Variants in DLGAP3 observed in about 807,000 individuals in gnomAD.
DLGAP3 encodes disks large-associated protein 3.
A neutral mutation model predicts 81.2 loss-of-function variants in DLGAP3; 17 were observed. The observed-to-expected ratio is 0.21, with a 90% CI of 0.14 to 0.31. DLGAP3 has a LOEUF of 0.31. DLGAP3 is among the 10% of genes least tolerant of loss of function. The pLI is 1.00. For missense variants in DLGAP3, 1,124 were observed against 1,388.0 expected (o/e 0.81, Z 3.02); for synonymous variants, 577 against 587.4 (o/e 0.98, Z 0.26).
At chr1:34,892,099 T>C (rs1301818937) in intron 5 of DLGAP3, among the ~76,000 whole-genome samples, 6 of 152,134 alleles carry the variant, frequency 3.9e-5, no homozygotes. Flanking sequence ...AAGGAAACCA[T>C]GCTTAAAGAT....
At chr1:34,915,015 T>C (rs1363031633) in intron 1 of DLGAP3, among the ~76,000 whole-genome samples, 2 of 152,182 alleles carry the variant, frequency 1.3e-5, no homozygotes, top group African/African-American at 2.4e-5. Context: ...CACAAACCCC[T>C]GTAGCCAGGG....
Position 34,873,813 on chromosome 1 carries a change from C to CTGGTTGGT in DLGAP3, c.2001-4732_2001-4725dup, listed in dbSNP as rs149504598. On this transcript the variant is annotated intron_variant, in intron 8 of 11. Coordinates refer to ENST00000373347, the MANE Select transcript of DLGAP3 (RefSeq NM_001080418.3). This position sits in a 1 kb window ranked among gnomAD's most constrained non-coding sequence, Gnocchi z 4.2. ...TCACTAAATAGGGCAGTTCATCACA[C>CTGGTTGGT]TGGTTGGTTGGTTGGTTGGTTGGTT... Among the ~76,000 whole-genome samples the CTGGTTGGT allele has an allele frequency of 0.01, 1,551 of 151,104 alleles. 30 individuals are homozygous for CTGGTTGGT. Among genetic ancestry groups the CTGGTTGGT allele is most frequent in the African/African-American group, 0.03 (1,225 of 40,888 alleles).
At chr1:34,885,864 C>T in intron 6 of DLGAP3, 73 bp from the exon 7 acceptor site, 2 of 1,285,162 alleles carry the variant, frequency 1.6e-6, no homozygotes, top group South Asian at 1.6e-5. Context: ...CCGCGCCCGA[C>T]TCCCACCCTC....
Position 34,900,417 on chromosome 1 carries a change from G to A in DLGAP3, c.1108-144C>T, listed in dbSNP as rs1639440527. On this transcript the variant is annotated intron_variant, in intron 3 of 11. Transcript: ENST00000373347. This position sits in a 1 kb window ranked among gnomAD's most constrained non-coding sequence, Gnocchi z 5.6. ...ACATGCAGAGGCAGAAGGGGAGGTA[G>A]GGTCTCAGGCTGTCCCCGTCCCTTA... 1 of 847,576 alleles carries A rather than the reference G, an allele frequency of 1.2e-6. No homozygotes were observed. The allele number at this position is 847,576 out of a possible 1,614,324, so 52.5% of individuals were successfully genotyped here.
chr1:34,887,889 C>T (rs762742367), intron 5 of DLGAP3, among the ~76,000 whole-genome samples: 1 of 152,196 alleles, frequency 6.6e-6, no homozygotes. Context: ...CCTTTTGGTA[C>T]AGGTACTGGC....
intron 4 of DLGAP3, 34 bp from the exon 5 acceptor site, chr1:34,899,775 T>A (rs536375631): frequency 2.5e-6 from 4 of 1,597,594 alleles, no homozygotes; most frequent in African/African-American, 1.3e-5. Context: ...GTCAGAACAG[T>A]GGACTGCTAG....
At position 34,902,960 on chromosome 1, in the gene DLGAP3, AG is replaced by A. The variant is rs1265314504; in HGVS notation, c.1107+1316del. 6.6e-6 allele frequency among the ~76,000 whole-genome samples: 1 copy of A among 152,042 alleles called. No individual in the cohort carries two copies. The highest frequency in any genetic ancestry group is 1.5e-5 in the Non-Finnish European group (1 of 67,966). ...GCTTAGAGCACCTCCCTACCCAGGGAGGGGGCAAACCAGGCCAATCCAGAAG... is the reference window on the plus strand; with the variant it reads ...GCTTAGAGCACCTCCCTACCCAGGGAGGGGCAAACCAGGCCAATCCAGAAG... On this transcript the variant is annotated intron_variant, in intron 3 of 11. Transcript: ENST00000373347. This position sits in a 1 kb window ranked among gnomAD's most constrained non-coding sequence, Gnocchi z 4.4.
intron 7 of DLGAP3, 139 bp from the exon 8 acceptor site, chr1:34,885,202 C>A: frequency 1.1e-6 from 1 of 895,898 alleles, no homozygotes; most frequent in Non-Finnish European, 1.8e-6. Flanking sequence ...AGATGAGAGA[C>A]CCAGGCGGTC....
At chr1:34,899,849 C>CA in intron 4 of DLGAP3, 108 bp from the exon 5 acceptor site, 1 of 1,120,324 alleles carries the variant, frequency 8.9e-7, no homozygotes, top group Non-Finnish European at 1.4e-6. Flanking sequence ...TCAGAACCCC[C>CA]AAAGAGAGAT....
At chr1:34,869,113 C>CCCCAT in intron 8 of DLGAP3, 24 bp from the exon 9 acceptor site, 2 of 1,541,974 alleles carry the variant, frequency 1.3e-6, no homozygotes, top group Non-Finnish European at 1.8e-6. Flanking sequence ...TGGCTGTCAT[C>CCCCAT]CCCCATTGCC....
chr1:34,871,130 G>C (rs1348844066), intron 8 of DLGAP3, among the ~76,000 whole-genome samples: 1 of 152,092 alleles, frequency 6.6e-6, no homozygotes, highest in African/African-American at 2.4e-5. Context: ...GCTCTGCCAA[G>C]TCATTCCCCT....
In DLGAP3 at chr1:34,900,675, G is replaced by A. The variant is rs537658592; in HGVS notation, c.1108-402C>T. 1.2e-4 allele frequency among the ~76,000 whole-genome samples: 19 copies of A among 152,232 alleles called. No homozygotes were observed. The South Asian group carries it at 1.7e-3, about 13-fold the overall frequency. On this transcript the variant is annotated intron_variant, in intron 3 of 11. Transcript: ENST00000373347. The surrounding 1 kb of genome is among the most constrained non-coding windows in gnomAD (Gnocchi z 5.6). ...CATTCCAAATCCTCTCTCCTTCCCC[G>A]CTGTGGGGAGCCACAGAGGGCTTCA... is the stretch of plus-strand genomic sequence containing the variant.
chr1:34,919,782 A>G (rs1639770829), intron 1 of DLGAP3, among the ~76,000 whole-genome samples: 4 of 151,830 alleles, frequency 2.6e-5, no homozygotes, highest in Admixed American at 2.6e-4. Context: ...CCCATCTCAA[A>G]AGAAAAGAAA....
chr1:34,914,213 A>G (rs1639683666), intron 1 of DLGAP3, among the ~76,000 whole-genome samples: 1 of 152,128 alleles, frequency 6.6e-6, no homozygotes, highest in South Asian at 2.1e-4. Flanking sequence ...GGGCTGCCAT[A>G]GGCCCTTTGA....
intron 8 of DLGAP3, among the ~76,000 whole-genome samples, chr1:34,883,535 C>T (rs1639175756): frequency 6.6e-6 from 1 of 152,334 alleles, no homozygotes; most frequent in Non-Finnish European, 1.5e-5. Context: ...GAGTTGCATC[C>T]ATCCATGACT....
Position 34,929,097 on chromosome 1 carries a change from C to T in DLGAP3, c.-135+354G>A, listed in dbSNP as rs980084302. The stretch of plus-strand genomic sequence containing the variant: ...CAGAGGAAACTTCTCTCCGGATCTC[C>T]CCAGCACCACGACTTCCCCCACAAC... On this transcript the variant is annotated intron_variant, in intron 1 of 11. Transcript: ENST00000373347. This position sits in a 1 kb window ranked among gnomAD's most constrained non-coding sequence, Gnocchi z 6.5. Among the ~76,000 whole-genome samples the T allele has an allele frequency of 2.6e-5, 4 of 152,100 alleles. No individual in the cohort carries two copies. Among genetic ancestry groups the T allele is most frequent in the Admixed American group, 2.6e-4 (4 of 15,286 alleles).
In DLGAP3 at chr1:34,873,499, T is replaced by C. The variant is rs1639009075; in HGVS notation, c.2001-4410A>G. Among the ~76,000 whole-genome samples the C allele has an allele frequency of 6.6e-6, 1 of 152,168 alleles. No individual in the cohort carries two copies. Among genetic ancestry groups the C allele is most frequent in the Admixed American group, 6.5e-5 (1 of 15,280 alleles). On this transcript the variant is annotated intron_variant, in intron 8 of 11. Transcript: ENST00000373347. This position sits in a 1 kb window ranked among gnomAD's most constrained non-coding sequence, Gnocchi z 4.2. ...ATGATAATAGTAGCAGTTCATAAGA[T>C]TGTTGTGAGATAATATCCATAAAGA... is the stretch of plus-strand genomic sequence containing the variant.
In DLGAP3 at chr1:34,867,414, C is replaced by G. The variant is rs982807144; in HGVS notation, c.2577+122G>C. 8 of 1,063,834 alleles carry G rather than the reference C, an allele frequency of 7.5e-6. No homozygotes were observed. The African/African-American group carries it at 1.1e-4, about 14-fold the overall frequency. The allele number at this position is 1,063,834 out of a possible 1,614,324, so 65.9% of individuals were successfully genotyped here. On this transcript the variant is annotated intron_variant, in intron 10 of 11. Transcript: ENST00000373347. The surrounding 1 kb of genome is among the most constrained non-coding windows in gnomAD (Gnocchi z 4.3). ...CAAGACTCACAGCTACCCCAGAAGGCATGCAGGCCTGGTCTCACCTCTGGT... is the reference window on the plus strand; with the variant it reads ...CAAGACTCACAGCTACCCCAGAAGGGATGCAGGCCTGGTCTCACCTCTGGT...
At position 34,904,751 on chromosome 1, in the gene DLGAP3, G is replaced by A. The variant is rs567046403; in HGVS notation, c.633C>T (p.Tyr211=). The A allele has an allele frequency of 1.9e-6, 3 of 1,611,636 alleles. No homozygotes were observed. The highest frequency in any genetic ancestry group is 2.2e-5 in the East Asian group (1 of 44,866). Residue 211 remains tyrosine (Y), a synonymous_variant, in exon 3 of 12, where the codon TAC becomes TAT. Transcript: ENST00000373347. This position sits in a 1 kb window ranked among gnomAD's most constrained non-coding sequence, Gnocchi z 8.1. ...GGGGGCCTCCAGAGCCCGGGCCGGGGTAGCTGTCTCCTCCAGAGCCACCTC... is the reference window on the plus strand; with the variant it reads ...GGGGGCCTCCAGAGCCCGGGCCGGGATAGCTGTCTCCTCCAGAGCCACCTC... ...EGRGGSGGDS[Y]PGPGSGGPHT...
Sources: allele counts gnomAD v4.1 joint callset (sites outside exome capture counted in the v4.1 genomes callset), GRCh38; gene constraint gnomAD v4.1.1; non-coding constraint Gnocchi (gnomAD v3.1); transcripts MANE v1.5; gene names NCBI Gene and HGNC (gene_info 2026-07-23, HGNC 2026-07-21).